SLC25A32: variants seen among roughly 807,000 people sequenced by gnomAD.
The protein encoded by SLC25A32 is Glycine auxotroph B, complementation of hamster.
SLC25A32 carries 32 observed loss-of-function variants against 39.0 expected under a neutral mutation model. The observed-to-expected ratio is 0.82, with a 90% CI of 0.62 to 1.10. The LOEUF is 1.10. SLC25A32 is among the 50% of genes least tolerant of loss of function. The pLI is 0.00. For missense variants in SLC25A32, 367 were observed against 395.3 expected, an observed-to-expected ratio of 0.93 and a Z score of 0.61; for synonymous variants, 166 against 152.4, an observed-to-expected ratio of 1.09 and a Z score of -0.66.
chr8:103,408,754 T>A (rs3134266), intron 1 of SLC25A32, among the ~76,000 whole-genome samples: 69,599 of 152,010 alleles, frequency 0.46, 16,003 homozygotes, highest in African/African-American at 0.49. Context: ...TCATCTGCAT[T>A]GATGCCCACA....
At chr8:103,407,879 G>C (rs1563719107) in intron 1 of SLC25A32, 95 bp from the exon 2 acceptor site, 33 of 956,584 alleles carry the variant, frequency 3.4e-5, no homozygotes, top group Non-Finnish European at 4.5e-5. Flanking sequence ...ATATAAAGGA[G>C]ATAAACTTAG....
chr8:103,415,011 G>C lies in SLC25A32; in HGVS notation c.-74C>G. ...ACGCGATGCAGTGGCCGCCACCGTG[G>C]CGACGGTCGCCCCTTGTGAGCGCAA... On this transcript the variant is annotated 5_prime_UTR_variant, in exon 1 of 7. Transcript: ENST00000297578. The C allele has an allele frequency of 1.3e-6, 2 of 1,589,350 alleles. No individual in the cohort carries two copies. The highest frequency in any genetic ancestry group is 1.7e-6 in the Non-Finnish European group (2 of 1,167,706).
Position 103,415,092 on chromosome 8 carries a change from C to T in SLC25A32, c.-155G>A, listed in dbSNP as rs780025421. The T allele has an allele frequency of 6.0e-5, 97 of 1,610,422 alleles. No homozygotes were observed. The highest frequency in any genetic ancestry group is 1.6e-4 in the Middle Eastern group (1 of 6,066). On this transcript the variant is annotated 5_prime_UTR_variant, in exon 1 of 7. Coordinates refer to ENST00000297578, the MANE Select transcript of SLC25A32 (RefSeq NM_030780.5). ...TATGCCCAAGGCGCGTGAGCGAAGCCGGAGACTCTAGTACTGAGGGGGCAA... is the reference window on the plus strand; with the variant it reads ...TATGCCCAAGGCGCGTGAGCGAAGCTGGAGACTCTAGTACTGAGGGGGCAA...
intron 6 of SLC25A32, 144 bp downstream of exon 6, chr8:103,401,372 C>T (rs570040788): frequency 9.4e-6 from 6 of 635,332 alleles, no homozygotes; most frequent in Admixed American, 6.0e-5. Flanking sequence ...TGGTCACATA[C>T]GTAATAACTG....
intron 1 of SLC25A32, among the ~76,000 whole-genome samples, chr8:103,410,304 T>C (rs1169997913): frequency 2.0e-5 from 3 of 152,184 alleles, no homozygotes; most frequent in Non-Finnish European, 4.4e-5. Flanking sequence ...CTGTTAGGAA[T>C]TGGGTCACAC....
rs754096857 is a variant in SLC25A32, at chr8:103,401,668, TG to T, written c.667-8del. On this transcript the variant is annotated splice_region_variant and splice_polypyrimidine_tract_variant and intron_variant, in intron 5 of 6. Transcript: ENST00000297578. ...ATATATATTCTACTGTGCTCTAAAATGGCAATACAAAACAGTTTTTTCTTTA... is the reference window on the plus strand; with the variant it reads ...ATATATATTCTACTGTGCTCTAAAATGCAATACAAAACAGTTTTTTCTTTA... The T allele has an allele frequency of 1.9e-6, 3 of 1,571,554 alleles. No individual in the cohort carries two copies. Among genetic ancestry groups the T allele is most frequent in the Non-Finnish European group, 2.6e-6 (3 of 1,161,186 alleles).
Position 103,400,570 on chromosome 8 carries a change from G to A in SLC25A32, c.813-24C>T. ...TCCTTTAGAGGGAAAAATAGATAAT[G>A]CTTAATTTTGTATAGAGCTAGCTTG... On this transcript the variant is annotated intron_variant, in intron 6 of 6. Transcript: ENST00000297578. The A allele has an allele frequency of 6.8e-6, 11 of 1,612,034 alleles. No homozygotes were observed. The African/African-American group carries it at 1.1e-4, about 16-fold the overall frequency.
At chr8:103,409,327 T>C (rs563259861) in intron 1 of SLC25A32, among the ~76,000 whole-genome samples, 3 of 152,342 alleles carry the variant, frequency 2.0e-5, no homozygotes, top group African/African-American at 7.2e-5. Flanking sequence ...GCACTCCCCC[T>C]TGTTATTCAA....
intron 2 of SLC25A32, among the ~76,000 whole-genome samples, chr8:103,407,242 C>T (rs998332107): frequency 4.6e-5 from 7 of 152,178 alleles, no homozygotes; most frequent in Admixed American, 4.6e-4. Flanking sequence ...AAATAAAAAG[C>T]TCTCTTTAAT....
chr8:103,413,531 C>A (rs1258533516), intron 1 of SLC25A32, among the ~76,000 whole-genome samples: 1 of 152,140 alleles, frequency 6.6e-6, no homozygotes, highest in Non-Finnish European at 1.5e-5. Flanking sequence ...CAGGATTGTT[C>A]CTGTGAATAG....
chr8:103,408,015 T>C (rs1348034861), intron 1 of SLC25A32, among the ~76,000 whole-genome samples: 1 of 149,156 alleles, frequency 6.7e-6, no homozygotes, highest in Non-Finnish European at 1.5e-5. Context: ...TCCCGCTCTA[T>C]TGCCCCGGCT....
At chr8:103,413,635 T>C (rs1051936212) in intron 1 of SLC25A32, among the ~76,000 whole-genome samples, 3 of 152,252 alleles carry the variant, frequency 2.0e-5, no homozygotes, top group African/African-American at 7.2e-5. Context: ...GTCAATAACA[T>C]AATTATTTGT....
At chr8:103,405,766 TC>T (rs1411572593) in intron 2 of SLC25A32, among the ~76,000 whole-genome samples, 1 of 152,004 alleles carries the variant, frequency 6.6e-6, no homozygotes, top group Admixed American at 6.6e-5. Context: ...GCTCAAGCAA[TC>T]CTCCTGCCTC....
intron 2 of SLC25A32, among the ~76,000 whole-genome samples, chr8:103,406,065 GTATA>G (rs1554628989): frequency 2.8e-5 from 4 of 144,164 alleles, no homozygotes; most frequent in Non-Finnish European, 6.1e-5. Flanking sequence ...GTGTGTGTGT[GTATA>G]TATATATATA....
intron 5 of SLC25A32, 50 bp downstream of exon 5, chr8:103,401,891 T>C: frequency 6.7e-7 from 1 of 1,484,754 alleles, no homozygotes; most frequent in Non-Finnish European, 9.3e-7. Flanking sequence ...TTTCTACCTA[T>C]TAAATACCCA....
Position 103,407,768 on chromosome 8 carries a change from T to C in SLC25A32, c.171A>G (p.Glu57=). The change falls in exon 2 of 7, where the codon GAA becomes GAG. Residue 57 remains glutamate, a synonymous_variant. Transcript: ENST00000297578. ...AAATTCCATTATATTTCGGTCTCAG[T>C]TCCAATCCATCACTCACTGCATCAA... ...KIRFAVSDGL[E]LRPKYNGILH... 1 of 1,613,198 alleles carries C rather than the reference T, an allele frequency of 6.2e-7. No individual in the cohort carries two copies. The highest frequency in any genetic ancestry group is 1.1e-5 in the South Asian group (1 of 91,042).
rs374476983 is a variant in SLC25A32, at chr8:103,398,712, C to T, written c.*1699G>A. ...GGCGGTATTTAAACAATGGTGCTAT[C>T]TTAAACACCAAATATCAACTGCAGT... On this transcript the variant is annotated 3_prime_UTR_variant, in exon 7 of 7. Transcript: ENST00000297578. 9 of 152,326 alleles carry T rather than the reference C, an allele frequency of 5.9e-5. No homozygotes were observed. Among genetic ancestry groups the T allele is most frequent in the African/African-American group, 2.2e-4 (9 of 41,566 alleles). The allele number at this position is 152,326 out of a possible 1,614,324, so 9.4% of individuals were successfully genotyped here.
chr8:103,402,184 T>C, intron 4 of SLC25A32, 130 bp from the exon 5 acceptor site: 2 of 590,154 alleles, frequency 3.4e-6, no homozygotes, highest in Non-Finnish European at 5.8e-6. Flanking sequence ...ACAAATCACA[T>C]TTTTAAAATA....
Position 103,407,731 on chromosome 8 carries a change from T to C in SLC25A32, c.208A>G (p.Thr70Ala). 1.2e-6 allele frequency: 2 copies of C among 1,613,436 alleles called. No homozygotes were observed. Among genetic ancestry groups the C allele is most frequent in the Non-Finnish European group, 1.7e-6 (2 of 1,179,620 alleles). The change falls in exon 2 of 7, where the codon ACT (threonine) becomes GCT (alanine). Residue 70 changes from threonine to alanine, a missense_variant. Transcript: ENST00000297578. ...PKYNGILHCL[T>A]TIWKLDGLRG... ...AGTCCATCAAGTTTCCAAATGGTAGTCAAGCAATGTAAAATTCCATTATAT... is the reference window on the plus strand; with the variant it reads ...AGTCCATCAAGTTTCCAAATGGTAGCCAAGCAATGTAAAATTCCATTATAT...
Sources: allele counts gnomAD v4.1 joint callset (sites outside exome capture counted in the v4.1 genomes callset), GRCh38; gene constraint gnomAD v4.1.1; transcripts MANE v1.5; gene names NCBI Gene and HGNC (gene_info 2026-07-23, HGNC 2026-07-21).